Variants in ASNS observed in about 807,000 individuals in gnomAD.
ASNS encodes asparagine synthetase [glutamine-hydrolyzing].
A neutral mutation model predicts 62.6 loss-of-function variants in ASNS; 37 were observed. The ratio of observed to expected loss-of-function variants is 0.59; its 90% CI spans 0.45 to 0.78. The LOEUF is 0.78. Among genes scored for constraint, ASNS ranks in the 30% least tolerant of loss-of-function variants. The pLI, the probability that ASNS is intolerant of heterozygous loss-of-function variation, is 0.00. For missense variants in ASNS, 520 were observed against 682.4 expected (o/e 0.76, Z 2.65); for synonymous variants, 207 against 237.9 (o/e 0.87, Z 1.19).
chr7:97,872,328 A>G (rs11767463), intron 1 of ASNS, 23 bp downstream of exon 1: 19 of 115,852 alleles, frequency 1.6e-4, no homozygotes, highest in African/African-American at 4.6e-4. Context: ...GGCGCAGGGC[A>G]CGGGGCGCAG....
At chr7:97,924,881 G>A in the ASNS span, among the ~76,000 whole-genome samples, 113 of 152,302 alleles carry the variant, frequency 7.4e-4, 1 homozygote, top group Non-Finnish European at 2.9e-4. Flanking sequence ...TCACACCTGT[G>A]ATCTCAGCAC....
the ASNS span, among the ~76,000 whole-genome samples, chr7:97,894,596 C>A: frequency 6.6e-6 from 1 of 150,574 alleles, no homozygotes; most frequent in African/African-American, 2.4e-5. Context: ...TTATGAACAA[C>A]CATAGGCTAA....
chr7:97,915,473 G>A, the ASNS span, among the ~76,000 whole-genome samples: 2 of 152,212 alleles, frequency 1.3e-5, no homozygotes, highest in Non-Finnish European at 2.9e-5. Context: ...TGAGAATCAC[G>A]AACAGGCATG....
intron 4 of ASNS, 92 bp from the exon 5 acceptor site, chr7:97,859,490 CCTTTTT>C (rs1367918475): frequency 7.3e-7 from 1 of 1,370,914 alleles, no homozygotes; most frequent in African/African-American, 1.5e-5. Context: ...TCCTATTTTC[CCTTTTT>C]AATACAAACA....
At chr7:97,874,873 A>G (rs1169604360), upstream of ASNS, among the ~76,000 whole-genome samples, 2 of 152,394 alleles carry the variant, frequency 1.3e-5, no homozygotes, top group African/African-American at 2.4e-5. Flanking sequence ...GTTCTTTGCA[A>G]TCACTAAATG....
intron 1 of ASNS, chr7:97,871,868 A>T (rs1201750870): frequency 6.6e-6 from 1 of 151,750 alleles, no homozygotes; most frequent in Non-Finnish European, 1.5e-5. Context: ...GTGAAAGCAG[A>T]CACCGAGACG....
the ASNS span, among the ~76,000 whole-genome samples, chr7:97,888,015 C>G: frequency 1.5e-3 from 234 of 152,318 alleles, 1 homozygote; most frequent in African/African-American, 5.4e-3. Flanking sequence ...CCCTCTTTGC[C>G]TAGGCTAGAG....
chr7:97,920,529 A>AGCTAC, the ASNS span, among the ~76,000 whole-genome samples: 1 of 152,188 alleles, frequency 6.6e-6, no homozygotes, highest in African/African-American at 2.4e-5. Flanking sequence ...AGCTAAGCTA[A>AGCTAC]GCTAAGGCAG....
At chr7:97,862,369 T>A (rs958524364) in intron 4 of ASNS, among the ~76,000 whole-genome samples, 2 of 152,094 alleles carry the variant, frequency 1.3e-5, no homozygotes, top group African/African-American at 4.8e-5. Context: ...AGCTACATAC[T>A]ATATGATTAC....
the ASNS span, among the ~76,000 whole-genome samples, chr7:97,911,199 A>G: frequency 2.6e-5 from 4 of 152,116 alleles, no homozygotes; most frequent in Non-Finnish European, 5.9e-5. Flanking sequence ...ACTGTAAACT[A>G]TTTTGTAAAT....
At chr7:97,876,311 GTTCCT>G (rs1792437299), upstream of ASNS, among the ~76,000 whole-genome samples, 1 of 152,090 alleles carries the variant, frequency 6.6e-6, no homozygotes, top group African/African-American at 2.4e-5. Context: ...CCTTTGGCAA[GTTCCT>G]TTACCTTTCT....
chr7:97,902,636 G>T, the ASNS span, among the ~76,000 whole-genome samples: 3 of 152,186 alleles, frequency 2.0e-5, no homozygotes, highest in African/African-American at 7.2e-5. Context: ...TGGGAGGACT[G>T]CTGGAGCCCA....
At chr7:97,928,271 G>A in the ASNS span, 1 of 1,522,950 alleles carries the variant, frequency 6.6e-7, no homozygotes, top group South Asian at 1.2e-5. Flanking sequence ...GCTTGCCAGT[G>A]GCTTTGGAGC....
the ASNS span, among the ~76,000 whole-genome samples, chr7:97,884,546 T>A: frequency 6.6e-6 from 1 of 151,766 alleles, no homozygotes; most frequent in South Asian, 2.1e-4. Context: ...TGAAAGTCCG[T>A]CTCCAAAAAA....
the ASNS span, among the ~76,000 whole-genome samples, chr7:97,918,414 A>T: frequency 2.6e-5 from 4 of 152,028 alleles, no homozygotes; most frequent in African/African-American, 7.3e-5. Context: ...TGATTGGGAA[A>T]AGGCGGAAAC....
At chr7:97,874,267 C>T (rs867329416), upstream of ASNS, among the ~76,000 whole-genome samples, 2 of 152,190 alleles carry the variant, frequency 1.3e-5, no homozygotes, top group Non-Finnish European at 2.9e-5. Flanking sequence ...CCTGGCTCAC[C>T]GGCGGTCAGA....
chr7:97,853,285 C>T lies in ASNS; in HGVS notation c.1320+20G>A. The T allele has an allele frequency of 1.2e-6, 2 of 1,613,432 alleles. No individual in the cohort carries two copies. Among genetic ancestry groups the T allele is most frequent in the Non-Finnish European group, 1.7e-6 (2 of 1,179,764 alleles). The stretch of plus-strand genomic sequence containing the variant: ...AATCTGATGGCAATGGACAGTTTTA[C>T]CTTGAGTTGATTTACCTACCTTTGG... On this transcript the variant is annotated intron_variant, in intron 11 of 12. Transcript: ENST00000394308.
chr7:97,902,313 T>G, the ASNS span, among the ~76,000 whole-genome samples: 1 of 152,184 alleles, frequency 6.6e-6, no homozygotes, highest in East Asian at 1.9e-4. Flanking sequence ...TGCCAATCAC[T>G]CTACAAATCA....
upstream of ASNS, among the ~76,000 whole-genome samples, chr7:97,875,981 C>A (rs767060970): frequency 3.3e-5 from 5 of 152,018 alleles, no homozygotes; most frequent in Admixed American, 2.0e-4. Context: ...ATCAGCCTCC[C>A]AAAATGCTGG....
Sources: gnomAD v4.1 joint callset for allele counts (sites outside exome capture counted in the v4.1 genomes callset) on GRCh38, gnomAD v4.1.1 for gene constraint, MANE v1.5 for transcripts, NCBI Gene and HGNC (gene_info 2026-07-23, HGNC 2026-07-21) for gene names.